Variants in SLC24A3 observed in about 807,000 individuals in gnomAD.
The protein encoded by SLC24A3 is sodium/potassium/calcium exchanger 3.
Under a neutral mutation model 75.8 loss-of-function variants are expected in SLC24A3, and 28 were observed. That is an observed-to-expected ratio of 0.37 (90% CI 0.27 to 0.51). The LOEUF is 0.51. Ranked by LOEUF, SLC24A3 falls within the 20% of genes least tolerant of loss-of-function variation. The pLI is 0.94. For missense variants in SLC24A3, 663 were observed against 847.8 expected, an observed-to-expected ratio of 0.78 and a Z score of 2.71; for synonymous variants, 372 against 334.1, an observed-to-expected ratio of 1.11 and a Z score of -1.24.
In SLC24A3 at chr20:19,327,670, T is replaced by G. The variant is rs117415183; in HGVS notation, c.271+46583T>G. Among the ~76,000 whole-genome samples the G allele has an allele frequency of 3.8e-3, 579 of 152,344 alleles. 1 individual carries two copies. Among genetic ancestry groups the G allele is most frequent in the Middle Eastern group, 0.031 (9 of 294 alleles). On this transcript the variant is annotated intron_variant, in intron 2 of 16. Transcript: ENST00000328041. Reference sequence around the variant, plus strand: ...TTGTTAGATGTTACTGACGTGAGCTTGTCTGCTCCCAGCCTCAGGACGCCT... The same window carrying G: ...TTGTTAGATGTTACTGACGTGAGCTGGTCTGCTCCCAGCCTCAGGACGCCT...
chr20:19,469,487 A>G (rs553571348), intron 2 of SLC24A3, among the ~76,000 whole-genome samples: 26 of 152,242 alleles, frequency 1.7e-4, no homozygotes, highest in African/African-American at 5.5e-4. Context: ...CAGCCTGCCC[A>G]CAGTGCTAAG....
intron 1 of SLC24A3, among the ~76,000 whole-genome samples, chr20:19,267,477 G>A (rs879535628): frequency 3.4e-4 from 51 of 152,200 alleles, no homozygotes; most frequent in Admixed American, 2.6e-3. Flanking sequence ...AGAAGGTGTT[G>A]CATTTACATA....
chr20:19,433,890 C>T (rs1031132540), intron 2 of SLC24A3, among the ~76,000 whole-genome samples: 2 of 152,078 alleles, frequency 1.3e-5, no homozygotes, highest in African/African-American at 4.8e-5. Flanking sequence ...CCTGGGGTGA[C>T]CTGAACAGTG....
rs1325900408 is a variant in SLC24A3 at position 19,431,938 on chromosome 20, C to A, written c.272-83550C>A. Among the ~76,000 whole-genome samples the A allele has an allele frequency of 2.0e-5, 3 of 151,616 alleles. No individual in the cohort carries two copies. The South Asian group carries it at 6.3e-4, about 32-fold the overall frequency. On this transcript the variant is annotated intron_variant, in intron 2 of 16. Coordinates refer to ENST00000328041, the MANE Select transcript of SLC24A3 (RefSeq NM_020689.4). ...ATGGTGAGGGGAGCTTTAAACATTG[C>A]AAAGGGTTATAGAATTATTTTGTTT... is the stretch of plus-strand genomic sequence containing the variant.
At chr20:19,626,935 A>C (rs772905474) in intron 6 of SLC24A3, among the ~76,000 whole-genome samples, 1 of 152,230 alleles carries the variant, frequency 6.6e-6, no homozygotes. Context: ...GGAAAGTCTT[A>C]AGGGCGACCT....
At chr20:19,225,349 A>G (rs6035259) in intron 1 of SLC24A3, among the ~76,000 whole-genome samples, 90,256 of 151,970 alleles carry the variant, frequency 0.59, 27,882 homozygotes, top group Non-Finnish European at 0.66. Context: ...TTGAAATCAC[A>G]GGTGTTTGTT....
At chr20:19,544,122 T>C (rs2030549146) in intron 3 of SLC24A3, among the ~76,000 whole-genome samples, 2 of 152,230 alleles carry the variant, frequency 1.3e-5, no homozygotes, top group Admixed American at 6.5e-5. Flanking sequence ...TTGATTCATG[T>C]ATTTTACCTC....
At chr20:19,633,262 C>T (rs995833120) in intron 6 of SLC24A3, among the ~76,000 whole-genome samples, 1 of 152,322 alleles carries the variant, frequency 6.6e-6, no homozygotes, top group African/African-American at 2.4e-5. Context: ...TCTTCCGAAG[C>T]CTTCCTCCTT....
intron 2 of SLC24A3, among the ~76,000 whole-genome samples, chr20:19,283,738 T>G (rs1481161117): frequency 6.6e-6 from 1 of 152,232 alleles, no homozygotes; most frequent in East Asian, 1.9e-4. Context: ...GAAGTTGACA[T>G]CATCATTCTG....
At chr20:19,495,116 G>A (rs1988264279) in intron 2 of SLC24A3, among the ~76,000 whole-genome samples, 1 of 152,174 alleles carries the variant, frequency 6.6e-6, no homozygotes, top group South Asian at 2.1e-4. Flanking sequence ...ACCCCTCTTG[G>A]AGTGAGGACT....
At chr20:19,713,196 C>T (rs1422960937) in intron 15 of SLC24A3, among the ~76,000 whole-genome samples, 3 of 152,198 alleles carry the variant, frequency 2.0e-5, no homozygotes, top group Non-Finnish European at 4.4e-5. Context: ...ATGGCCTGGT[C>T]TCTGCAGTTT....
intron 2 of SLC24A3, among the ~76,000 whole-genome samples, chr20:19,499,658 C>A (rs554702142): frequency 2.0e-5 from 3 of 152,160 alleles, no homozygotes; most frequent in Non-Finnish European, 4.4e-5. Flanking sequence ...CTCCCAAAGA[C>A]CCCATCGCAC....
At chr20:19,599,293 T>C (rs1464840675) in intron 6 of SLC24A3, among the ~76,000 whole-genome samples, 2 of 152,180 alleles carry the variant, frequency 1.3e-5, no homozygotes, top group African/African-American at 4.8e-5. Context: ...CTGTAGAACA[T>C]GTCTCACAAA....
intron 2 of SLC24A3, among the ~76,000 whole-genome samples, chr20:19,413,018 G>T (rs368124363): frequency 6.6e-5 from 10 of 152,260 alleles, no homozygotes; most frequent in African/African-American, 2.4e-4. Flanking sequence ...CGTCATCTTG[G>T]CATGAATGCT....
intron 1 of SLC24A3, among the ~76,000 whole-genome samples, chr20:19,239,920 C>T (rs1982282272): frequency 6.6e-6 from 1 of 152,134 alleles, no homozygotes; most frequent in Non-Finnish European, 1.5e-5. Flanking sequence ...GTATGGGACC[C>T]CATGGTCTGT....
chr20:19,696,780 C>A lies in SLC24A3; in HGVS notation c.1492-17C>A. 1 of 1,598,074 alleles carries A rather than the reference C, an allele frequency of 6.3e-7. No individual in the cohort carries two copies. The highest frequency in any genetic ancestry group is 8.6e-7 in the Non-Finnish European group (1 of 1,165,588). On this transcript the variant is annotated splice_polypyrimidine_tract_variant and intron_variant, in intron 13 of 16. Transcript: ENST00000328041. ...TGAGGTGACCCTCAGCTGACCACCT[C>A]TTCCTGCTCCTTCTAGGTCACAATC... is the stretch of plus-strand genomic sequence containing the variant.
At chr20:19,606,331 G>A (rs1443643082) in intron 6 of SLC24A3, among the ~76,000 whole-genome samples, 2 of 152,184 alleles carry the variant, frequency 1.3e-5, no homozygotes. Flanking sequence ...TCCTTTTATG[G>A]CAGGAATGAT....
At chr20:19,634,819 G>A (rs1296954437) in intron 6 of SLC24A3, among the ~76,000 whole-genome samples, 2 of 152,262 alleles carry the variant, frequency 1.3e-5, no homozygotes, top group South Asian at 2.1e-4. Context: ...TGACTGAGGT[G>A]ATGGTTGCAG....
chr20:19,410,828 T>G (rs567414138), intron 2 of SLC24A3, among the ~76,000 whole-genome samples: 1 of 152,346 alleles, frequency 6.6e-6, no homozygotes, highest in Admixed American at 6.5e-5. Context: ...CAAACATGTA[T>G]TGAACATTTT....
Sources: allele counts gnomAD v4.1 joint callset (sites outside exome capture counted in the v4.1 genomes callset), GRCh38; gene constraint gnomAD v4.1.1; transcripts MANE v1.5; gene names NCBI Gene and HGNC (gene_info 2026-07-23, HGNC 2026-07-21).